The following SGCZ variants were observed in gnomAD, a reference collection of about 807,000 sequenced individuals.
SGCZ encodes sarcoglycan zeta.
A neutral mutation model predicts 41.3 loss-of-function variants in SGCZ; 40 were observed. The observed-to-expected ratio is 0.97, with a 90% CI of 0.75 to 1.26. The LOEUF is 1.26. SGCZ is among the 50% of genes most tolerant of loss of function. The probability of loss-of-function intolerance (pLI) is 0.00; values close to 1 mark genes in which losing one functional copy is unlikely to be tolerated. For missense variants in SGCZ, 552 were observed against 369.8 expected (o/e 1.49, Z -4.04); for synonymous variants, 206 against 137.5 (o/e 1.50, Z -3.49).
chr8:14,720,880 T>A (rs1259823829), intron 1 of SGCZ, among the ~76,000 whole-genome samples: 1 of 151,028 alleles, frequency 6.6e-6, no homozygotes, highest in East Asian at 2.0e-4. Context: ...TCCATTCCAA[T>A]CAGGTTTTTT....
intron 2 of SGCZ, among the ~76,000 whole-genome samples, chr8:14,429,202 G>A (rs1585499377): frequency 6.6e-6 from 1 of 152,150 alleles, no homozygotes; most frequent in East Asian, 1.9e-4. Flanking sequence ...ATTTTAGAAG[G>A]CAATAGGTTT....
At chr8:14,630,234 T>A (rs1806600324) in intron 1 of SGCZ, among the ~76,000 whole-genome samples, 1 of 131,808 alleles carries the variant, frequency 7.6e-6, no homozygotes, top group Non-Finnish European at 1.7e-5. Context: ...ACATGTGTTT[T>A]GATTTTTTTT....
At chr8:15,008,970 C>A (rs1233812962) in intron 1 of SGCZ, among the ~76,000 whole-genome samples, 1 of 152,092 alleles carries the variant, frequency 6.6e-6, no homozygotes, top group Admixed American at 6.6e-5. Context: ...CAAGTGCACA[C>A]AATACTAGGT....
chr8:14,951,289 G>C (rs796150053), intron 1 of SGCZ, among the ~76,000 whole-genome samples: 2 of 151,966 alleles, frequency 1.3e-5, no homozygotes, highest in African/African-American at 2.4e-5. Flanking sequence ...TGCAAAATTA[G>C]CATTAAGAAC....
intron 2 of SGCZ, among the ~76,000 whole-genome samples, chr8:14,538,110 G>T (rs565991602): frequency 6.6e-6 from 1 of 151,884 alleles, no homozygotes; most frequent in South Asian, 2.1e-4. Context: ...TGTTCTATCT[G>T]GTGCATATTT....
chr8:14,627,582 A>G (rs1806503940), intron 1 of SGCZ, among the ~76,000 whole-genome samples: 1 of 152,132 alleles, frequency 6.6e-6, no homozygotes, highest in Admixed American at 6.6e-5. Context: ...TAATAATTCA[A>G]GAAATAATTT....
At chr8:14,671,988 A>T (rs1808119071) in intron 1 of SGCZ, among the ~76,000 whole-genome samples, 2 of 152,160 alleles carry the variant, frequency 1.3e-5, no homozygotes, top group South Asian at 4.1e-4. Flanking sequence ...AGACAGCTAC[A>T]TTGAAAACAG....
At chr8:14,197,603 T>A (rs940646665) in intron 4 of SGCZ, among the ~76,000 whole-genome samples, 17 of 152,228 alleles carry the variant, frequency 1.1e-4, no homozygotes, top group African/African-American at 4.1e-4. Flanking sequence ...CTGTCAAAAT[T>A]CAAATTACAT....
At chr8:14,568,177 C>G (rs2117224197) in intron 1 of SGCZ, among the ~76,000 whole-genome samples, 1 of 151,720 alleles carries the variant, frequency 6.6e-6, no homozygotes, top group South Asian at 2.1e-4. Context: ...AAGTGGGATT[C>G]AACAATGAAA....
At chr8:15,058,075 G>A (rs1317884268) in intron 1 of SGCZ, among the ~76,000 whole-genome samples, 1 of 152,158 alleles carries the variant, frequency 6.6e-6, no homozygotes, top group Non-Finnish European at 1.5e-5. Context: ...GAGAGCAACT[G>A]TTAATTAATT....
At chr8:14,734,610 T>A (rs1329159522) in intron 1 of SGCZ, among the ~76,000 whole-genome samples, 2 of 152,168 alleles carry the variant, frequency 1.3e-5, no homozygotes, top group Non-Finnish European at 2.9e-5. Flanking sequence ...GAAACAATAA[T>A]CACTTCTCTT....
At chr8:14,166,711 T>TAA (rs1457802862) in intron 4 of SGCZ, among the ~76,000 whole-genome samples, 1 of 152,126 alleles carries the variant, frequency 6.6e-6, no homozygotes, top group African/African-American at 2.4e-5. Flanking sequence ...TTTCTTGGCA[T>TAA]AACACTTAAT....
At chr8:14,803,254 T>C (rs1801387585) in intron 1 of SGCZ, among the ~76,000 whole-genome samples, 1 of 151,994 alleles carries the variant, frequency 6.6e-6, no homozygotes, top group South Asian at 2.1e-4. Context: ...ACAGCTCCTG[T>C]CTACAGCTCC....
At chr8:14,960,957 ACACACACT>A (rs377367728) in intron 1 of SGCZ, among the ~76,000 whole-genome samples, 6,526 of 148,740 alleles carry the variant, frequency 0.044, 207 homozygotes, top group Admixed American at 0.079. Flanking sequence ...ACACACACAC[ACACACACT>A]CACTCAAGCA....
chr8:14,252,212 G>T (rs1023401126), intron 3 of SGCZ, among the ~76,000 whole-genome samples: 8 of 151,978 alleles, frequency 5.3e-5, no homozygotes, highest in Admixed American at 2.0e-4. Flanking sequence ...GCTGGCTTAT[G>T]GCTTCATATC....
chr8:14,770,219 G>T (rs1001917891), intron 1 of SGCZ, among the ~76,000 whole-genome samples: 1 of 151,138 alleles, frequency 6.6e-6, no homozygotes, highest in Non-Finnish European at 1.5e-5. Context: ...AATACATCAC[G>T]ATGCTAATCT....
At chr8:14,808,433 G>A (rs1801624471) in intron 1 of SGCZ, among the ~76,000 whole-genome samples, 1 of 152,172 alleles carries the variant, frequency 6.6e-6, no homozygotes, top group African/African-American at 2.4e-5. Flanking sequence ...GACGTGAACA[G>A]ACACTTCTCA....
At chr8:14,125,197 G>T (rs1440637623) in intron 5 of SGCZ, among the ~76,000 whole-genome samples, 5 of 152,062 alleles carry the variant, frequency 3.3e-5, no homozygotes, top group African/African-American at 1.2e-4. Context: ...AATCACTATT[G>T]TTGGCCAGGC....
At chr8:14,470,882 AG>A (rs1801195673) in intron 2 of SGCZ, among the ~76,000 whole-genome samples, 2 of 152,166 alleles carry the variant, frequency 1.3e-5, no homozygotes, top group Admixed American at 6.6e-5. Context: ...ACTGGCACTG[AG>A]ACACAATAAG....
Sources: allele counts gnomAD v4.1 joint callset (sites outside exome capture counted in the v4.1 genomes callset), GRCh38; gene constraint gnomAD v4.1.1; transcripts MANE v1.5; gene names NCBI Gene and HGNC (gene_info 2026-07-23, HGNC 2026-07-21).